Variants in STAG1 observed in about 807,000 individuals in gnomAD.
STAG1 encodes the protein STAG1 cohesin complex component.
A neutral mutation model predicts 170.9 loss-of-function variants in STAG1; 26 were observed. The ratio of observed to expected loss-of-function variants is 0.15; its 90% CI spans 0.11 to 0.21. The LOEUF (loss-of-function observed/expected upper bound fraction) is 0.21, where lower values mean the gene tolerates loss of function less well. Ranked by LOEUF, STAG1 falls within the 10% of genes least tolerant of loss-of-function variation. The pLI is 1.00. For synonymous variants in STAG1, 514 were observed against 497.7 expected (o/e 1.03, Z -0.44); for missense variants, 964 against 1,509.5 (o/e 0.64, Z 5.99).
At chr3:136,630,144 G>A (rs1285023175) in intron 2 of STAG1, among the ~76,000 whole-genome samples, 6 of 152,058 alleles carry the variant, frequency 3.9e-5, no homozygotes, top group Admixed American at 1.3e-4. Flanking sequence ...GCAGTGAGCC[G>A]AGATCGCACC....
chr3:136,592,276 T>C lies in STAG1; in HGVS notation c.297+12033A>G, dbSNP rs116044129. Among the ~76,000 whole-genome samples, 976 of 152,278 alleles carry C rather than the reference T, an allele frequency of 6.4e-3. 4 individuals carry two copies. The highest frequency in any genetic ancestry group is 0.011 in the Non-Finnish European group (758 of 68,014). On this transcript the variant is annotated intron_variant, in intron 4 of 33. Coordinates refer to ENST00000383202, the MANE Select transcript of STAG1 (RefSeq NM_005862.3). ...ATGGGATGGACCCAGTAGGAGGTAA[T>C]TGAATCATGGGGGTGGTATCCCCTA...
At chr3:136,658,273 AT>A (rs1222993750) in intron 1 of STAG1, among the ~76,000 whole-genome samples, 3 of 152,136 alleles carry the variant, frequency 2.0e-5, no homozygotes, top group African/African-American at 7.2e-5. Context: ...TTAGAGGAAC[AT>A]TTATTGAACT....
chr3:136,344,889 T>C (rs1160987405), intron 29 of STAG1, among the ~76,000 whole-genome samples: 2 of 151,402 alleles, frequency 1.3e-5, no homozygotes, highest in Admixed American at 6.6e-5. Flanking sequence ...GCTGAGATTA[T>C]AGGCATGAGC....
At chr3:136,513,546 C>A (rs1008861133) in intron 7 of STAG1, among the ~76,000 whole-genome samples, 1 of 152,062 alleles carries the variant, frequency 6.6e-6, no homozygotes, top group African/African-American at 2.4e-5. Context: ...ACAAAAAAAT[C>A]TGCAAAGCTT....
chr3:136,526,641 T>C (rs535854606), intron 6 of STAG1, among the ~76,000 whole-genome samples: 13 of 151,938 alleles, frequency 8.6e-5, no homozygotes, highest in Admixed American at 4.6e-4. Context: ...TGTCATTATG[T>C]TACCTGGTTA....
intron 4 of STAG1, among the ~76,000 whole-genome samples, chr3:136,579,728 G>A (rs1937550253): frequency 6.6e-6 from 1 of 152,088 alleles, no homozygotes. Flanking sequence ...AGGGTTGGAG[G>A]GGCAACTCCT....
At chr3:136,617,847 A>C (rs1939667224) in intron 3 of STAG1, among the ~76,000 whole-genome samples, 1 of 152,182 alleles carries the variant, frequency 6.6e-6, no homozygotes, top group Non-Finnish European at 1.5e-5. Flanking sequence ...AAGAAAAAAA[A>C]ACTTTGGAAT....
intron 30 of STAG1, among the ~76,000 whole-genome samples, chr3:136,342,411 C>T (rs1185528932): frequency 6.6e-6 from 1 of 152,096 alleles, no homozygotes; most frequent in Non-Finnish European, 1.5e-5. Context: ...CTCTGCCTCC[C>T]AGGCTCCAGT....
At chr3:136,616,078 T>C (rs1221877055) in intron 3 of STAG1, among the ~76,000 whole-genome samples, 2 of 151,520 alleles carry the variant, frequency 1.3e-5, no homozygotes, top group Non-Finnish European at 2.9e-5. Flanking sequence ...ACCATCCTGG[T>C]TAACACGGTG....
chr3:136,537,786 G>A (rs1027799887), intron 6 of STAG1, among the ~76,000 whole-genome samples: 33 of 152,156 alleles, frequency 2.2e-4, no homozygotes, highest in African/African-American at 7.7e-4. Context: ...ACGAGTCACT[G>A]CGCCTGGCCA....
chr3:136,637,599 T>C (rs528317364), intron 1 of STAG1, among the ~76,000 whole-genome samples: 1 of 152,290 alleles, frequency 6.6e-6, no homozygotes, highest in South Asian at 2.1e-4. Flanking sequence ...GTTTCGGTTC[T>C]GGGGCTCAAT....
At chr3:136,417,775 C>G (rs2087816025) in intron 21 of STAG1, 110 bp downstream of exon 21, 1 of 750,600 alleles carries the variant, frequency 1.3e-6, no homozygotes, top group Non-Finnish European at 2.3e-6. Flanking sequence ...AAAGAGGCAG[C>G]TGCCCTAATG....
intron 5 of STAG1, among the ~76,000 whole-genome samples, chr3:136,557,017 G>C (rs1936651355): frequency 6.6e-6 from 1 of 152,136 alleles, no homozygotes; most frequent in Non-Finnish European, 1.5e-5. Flanking sequence ...CAGAACTCTT[G>C]AATCCAGGGG....
At chr3:136,374,494 G>A (rs1047220794) in intron 23 of STAG1, among the ~76,000 whole-genome samples, 4 of 152,008 alleles carry the variant, frequency 2.6e-5, no homozygotes, top group Admixed American at 2.6e-4. Flanking sequence ...GTGCACGCCT[G>A]TAATTCCAGC....
chr3:136,466,603 C>A (rs1028259634), intron 12 of STAG1, among the ~76,000 whole-genome samples: 1 of 152,142 alleles, frequency 6.6e-6, no homozygotes, highest in Admixed American at 6.6e-5. Flanking sequence ...AGGAGAACTT[C>A]CCCAATCTAG....
At chr3:136,564,732 A>G (rs999212746) in intron 5 of STAG1, among the ~76,000 whole-genome samples, 1 of 152,074 alleles carries the variant, frequency 6.6e-6, no homozygotes, top group South Asian at 2.1e-4. Context: ...GGCAAAGGAT[A>G]GGAACAAAGA....
chr3:136,392,613 A>G (rs1311666376), intron 22 of STAG1, among the ~76,000 whole-genome samples: 2 of 152,002 alleles, frequency 1.3e-5, no homozygotes. Context: ...AAAAATACAA[A>G]AAGTCAGCCA....
At chr3:136,486,097 AG>A (rs2090006261) in intron 9 of STAG1, among the ~76,000 whole-genome samples, 1 of 152,214 alleles carries the variant, frequency 6.6e-6, no homozygotes, top group South Asian at 2.1e-4. Context: ...AATACATAAA[AG>A]TATATAGGAC....
chr3:136,575,293 C>T (rs11706758), intron 4 of STAG1, among the ~76,000 whole-genome samples: 2,532 of 152,314 alleles, frequency 0.017, 38 homozygotes, highest in Non-Finnish European at 0.027. Flanking sequence ...GGCATGACCA[C>T]GGCTCATTGT....
Sources: allele counts gnomAD v4.1 joint callset (sites outside exome capture counted in the v4.1 genomes callset), GRCh38; gene constraint gnomAD v4.1.1; transcripts MANE v1.5; gene names NCBI Gene and HGNC (gene_info 2026-07-23, HGNC 2026-07-21).